TAF9B: variants seen among roughly 807,000 people sequenced by gnomAD.
The protein encoded by TAF9B is transcription initiation factor TFIID subunit 9B.
TAF9B carries 47 observed loss-of-function variants against 17.6 expected under a neutral mutation model. The ratio of observed to expected loss-of-function variants is 2.68; its 90% confidence interval spans 2.12 to 3.41. The LOEUF is 3.41. TAF9B is among the 30% of genes most tolerant of loss of function. TAF9B has a pLI of 0.00. For synonymous variants in TAF9B, 84 were observed against 68.7 expected (o/e 1.22, Z -1.10); for missense variants, 218 against 189.3 (o/e 1.15, Z -0.89).
Position 78,131,581 on chromosome X carries a change from T to G in TAF9B, c.*29A>C, listed in dbSNP as rs781986730. Reference sequence around the variant, plus strand: ...CTGGGCTCAAAACCAACTTTCCTTTTGAAATGCATCTAGACTAGACTATAT... The same window carrying G: ...CTGGGCTCAAAACCAACTTTCCTTTGGAAATGCATCTAGACTAGACTATAT... On this transcript the variant is annotated 3_prime_UTR_variant, in exon 7 of 7. Coordinates refer to ENST00000341864, the MANE Select transcript of TAF9B (RefSeq NM_015975.5). 6 of 1,176,292 alleles carry G rather than the reference T, an allele frequency of 5.1e-6. No homozygotes were observed. The highest frequency in any genetic ancestry group is 2.3e-5 in the Admixed American group (1 of 43,285).
rs1043340503 is a variant in TAF9B at position 78,136,771 on chromosome X, C to T, written c.481+144G>A. On this transcript the variant is annotated intron_variant, in intron 5 of 6. Coordinates refer to ENST00000341864, the MANE Select transcript of TAF9B (RefSeq NM_015975.5). Reference sequence around the variant, plus strand: ...AATCCAGTAACATGTATGTTTATAGCTTTACTAGAGGATGAGTAAAATTAT... The same window carrying T: ...AATCCAGTAACATGTATGTTTATAGTTTTACTAGAGGATGAGTAAAATTAT... 1.8e-5 allele frequency: 7 copies of T among 388,797 alleles called. No homozygotes were observed. The Middle Eastern group carries it at 3.2e-3, about 178-fold the overall frequency. 32.0% of individuals were successfully genotyped at this position (388,797 alleles called of 1,213,427 possible).
chrX:78,131,473 C>T lies in TAF9B; in HGVS notation c.*137G>A. Reference sequence around the variant, plus strand: ...TTGTATGTTTACTAAAGAGATCTAACAGTTTTAACTGACGAAAAATACTGC... The same window carrying T: ...TTGTATGTTTACTAAAGAGATCTAATAGTTTTAACTGACGAAAAATACTGC... On this transcript the variant is annotated 3_prime_UTR_variant, in exon 7 of 7. Transcript: ENST00000341864. 8.1e-6 allele frequency: 4 copies of T among 492,193 alleles called. No homozygotes were observed. Among genetic ancestry groups the T allele is most frequent in the Non-Finnish European group, 1.3e-5 (4 of 302,727 alleles). The allele number at this position is 492,193 out of a possible 1,213,427, so 40.6% of individuals were successfully genotyped here.
In TAF9B at chrX:78,138,874, C is replaced by A; in HGVS notation, c.102G>T (p.Arg34Ser). 4 of 1,209,445 alleles carry A rather than the reference C, an allele frequency of 3.3e-6. No individual in the cohort carries two copies. The highest frequency in any genetic ancestry group is 4.5e-6 in the Non-Finnish European group (4 of 893,552). Residue 34 changes from arginine (R) to serine (S), a missense_variant, in exon 2 of 7, where the codon AGG (arginine) becomes AGT (serine). Transcript: ENST00000341864. ...CAAATTCCAACATTTGATTTATAACCCTTGGTTCATACTCTGTGATTCCCA... is the reference window on the plus strand; with the variant it reads ...CAAATTCCAACATTTGATTTATAACACTTGGTTCATACTCTGTGATTCCCA... ...KDMGITEYEPRVINQMLEFAF... is the reference protein window; with the variant it reads ...KDMGITEYEPSVINQMLEFAF...
At chrX:78,134,542 T>TA (rs1166258564) in intron 5 of TAF9B, among the ~76,000 whole-genome samples, 4 of 111,699 alleles carry the variant, frequency 3.6e-5, no homozygotes, top group African/African-American at 1.3e-4. Context: ...TACCCAGAGA[T>TA]AGAGTTGCTG....
intron 2 of TAF9B, among the ~76,000 whole-genome samples, chrX:78,138,483 G>A (rs782390122): frequency 8.9e-6 from 1 of 112,978 alleles, no homozygotes; most frequent in East Asian, 2.8e-4. Context: ...ACAAGGCTGG[G>A]TGCGGTGGCT....
At chrX:78,137,491 T>C (rs1315744555) in intron 4 of TAF9B, among the ~76,000 whole-genome samples, 4 of 111,551 alleles carry the variant, frequency 3.6e-5, no homozygotes. Context: ...CTGGGAGTTA[T>C]GAGGCTTGGA....
intron 5 of TAF9B, among the ~76,000 whole-genome samples, chrX:78,134,160 C>G (rs1436030397): frequency 9.0e-6 from 1 of 111,524 alleles, no homozygotes; most frequent in East Asian, 2.8e-4. Flanking sequence ...ACCCATTATT[C>G]CAAGGTACAG....
chrX:78,136,119 C>T (rs1264551214), intron 5 of TAF9B, among the ~76,000 whole-genome samples: 1 of 110,749 alleles, frequency 9.0e-6, no homozygotes, highest in Non-Finnish European at 1.9e-5. Context: ...TCTGAAAATA[C>T]TTTGAATACT....
At chrX:78,135,429 A>C (rs1416556408) in intron 5 of TAF9B, among the ~76,000 whole-genome samples, 23 of 101,638 alleles carry the variant, frequency 2.3e-4, no homozygotes, top group South Asian at 4.6e-4. Context: ...AAAAAAAAAA[A>C]CACAAAAAAA....
intron 1 of TAF9B, 132 bp downstream of exon 1, chrX:78,139,429 C>T (rs1451213758): frequency 8.2e-6 from 8 of 977,344 alleles, no homozygotes; most frequent in East Asian, 6.3e-5. Context: ...CCCCATCACC[C>T]TCTCCTCCTG....
chrX:78,137,012 T>C (rs782314453), intron 4 of TAF9B, 22 bp from the exon 5 acceptor site: 57 of 1,101,297 alleles, frequency 5.2e-5, no homozygotes, highest in Non-Finnish European at 4.2e-5. Flanking sequence ...AAAAAACAAA[T>C]TAATGTTAAG....
chrX:78,131,836 A>G, intron 6 of TAF9B, 63 bp from the exon 7 acceptor site: 2 of 1,058,893 alleles, frequency 1.9e-6, no homozygotes, highest in Non-Finnish European at 2.6e-6. Flanking sequence ...TCTGAAACAT[A>G]TGATAAAAAG....
intron 6 of TAF9B, among the ~76,000 whole-genome samples, chrX:78,132,767 T>C (rs1375297366): frequency 4.5e-5 from 5 of 111,164 alleles, no homozygotes; most frequent in African/African-American, 1.6e-4. Flanking sequence ...CTGCTTTTCC[T>C]TGAAGACGAC....
intron 1 of TAF9B, among the ~76,000 whole-genome samples, chrX:78,139,206 G>T (rs1392350207): frequency 8.9e-6 from 1 of 111,772 alleles, no homozygotes; most frequent in Non-Finnish European, 1.9e-5. Context: ...GCTCCAGCTG[G>T]TTGTCATTTT....
chrX:78,136,824 T>C (rs1443315744), intron 5 of TAF9B, 91 bp downstream of exon 5: 3 of 585,064 alleles, frequency 5.1e-6, no homozygotes, highest in Non-Finnish European at 8.3e-6. Flanking sequence ...CAAGAATTTC[T>C]GATTCACTTT....
intron 6 of TAF9B, among the ~76,000 whole-genome samples, chrX:78,132,312 C>T (rs2078417052): frequency 9.0e-6 from 1 of 111,452 alleles, no homozygotes; most frequent in African/African-American, 3.3e-5. Context: ...TGTATATGTA[C>T]GGGATATAAT....
At position 78,139,612 on chromosome X, in the gene TAF9B, G is replaced by C. The variant is rs782700437; in HGVS notation, c.-1C>G. The C allele has an allele frequency of 5.8e-6, 7 of 1,210,479 alleles. No homozygotes were observed. The Admixed American group carries it at 6.5e-5, about 11-fold the overall frequency. On this transcript the variant is annotated 5_prime_UTR_variant, in exon 1 of 7. Coordinates refer to ENST00000341864, the MANE Select transcript of TAF9B (RefSeq NM_015975.5). ...GAGGCGCCATCTTGCCCGACTCCAT[G>C]TTATCCAGCCACTCGTCATCCGCGG...
chrX:78,139,335 C>T (rs1385842150), intron 1 of TAF9B, among the ~76,000 whole-genome samples: 1 of 111,656 alleles, frequency 9.0e-6, no homozygotes, highest in Non-Finnish European at 1.9e-5. Context: ...GCTGGGCAGC[C>T]GTTCCGCAAG....
chrX:78,139,526 G>A (rs2078447752), intron 1 of TAF9B, 35 bp downstream of exon 1: 1 of 1,210,362 alleles, frequency 8.3e-7, no homozygotes, highest in Admixed American at 2.2e-5. Flanking sequence ...GGCTGCACCT[G>A]GCTTCGCGAT....
Sources: gnomAD v4.1 joint callset for allele counts (sites outside exome capture counted in the v4.1 genomes callset) on GRCh38, gnomAD v4.1.1 for gene constraint, MANE v1.5 for transcripts, NCBI Gene and HGNC (gene_info 2026-07-23, HGNC 2026-07-21) for gene names.